GABRB1: variants seen among roughly 807,000 people sequenced by gnomAD.
The protein encoded by GABRB1 is gamma-aminobutyric acid type A receptor subunit beta1.
A neutral mutation model predicts 51.6 loss-of-function variants in GABRB1; 17 were observed. The ratio of observed to expected loss-of-function variants is 0.33; its 90% CI spans 0.23 to 0.49. The LOEUF (loss-of-function observed/expected upper bound fraction) is 0.49. Among genes scored for constraint, GABRB1 ranks in the 20% least tolerant of loss-of-function variants. The pLI, the probability that GABRB1 is intolerant of heterozygous loss-of-function variation, is 0.99. For synonymous variants in GABRB1, 247 were observed against 218.9 expected, an observed-to-expected ratio of 1.13 and a Z score of -1.14; for missense variants, 410 against 600.6, an observed-to-expected ratio of 0.68 and a Z score of 3.32.
At chr4:47,394,353 T>C (rs1406233065) in intron 5 of GABRB1, among the ~76,000 whole-genome samples, 3 of 152,230 alleles carry the variant, frequency 2.0e-5, no homozygotes, top group African/African-American at 4.8e-5. Flanking sequence ...CTCTAGATAC[T>C]GGTTTACAAC....
At chr4:47,269,545 A>C (rs1244497059) in intron 4 of GABRB1, among the ~76,000 whole-genome samples, 2 of 152,192 alleles carry the variant, frequency 1.3e-5, no homozygotes, top group Admixed American at 6.5e-5. Flanking sequence ...TTTTGTCAAC[A>C]TCCAACAATT....
intron 3 of GABRB1, among the ~76,000 whole-genome samples, chr4:47,128,010 G>A (rs539058994): frequency 5.9e-5 from 9 of 151,660 alleles, no homozygotes; most frequent in African/African-American, 2.2e-4. Flanking sequence ...TTACAACTAA[G>A]AAAGTCATTA....
intron 3 of GABRB1, among the ~76,000 whole-genome samples, chr4:47,148,260 G>A (rs1322933651): frequency 6.6e-6 from 1 of 152,026 alleles, no homozygotes; most frequent in Non-Finnish European, 1.5e-5. Flanking sequence ...TGGAGATGGA[G>A]GACCCGATTT....
chr4:47,071,749 C>A (rs1167643093), intron 3 of GABRB1, among the ~76,000 whole-genome samples: 3 of 150,780 alleles, frequency 2.0e-5, no homozygotes. Flanking sequence ...GTGTCTAGAA[C>A]AGCACCGTGC....
At chr4:47,138,382 T>C (rs1237052855) in intron 3 of GABRB1, among the ~76,000 whole-genome samples, 1 of 152,070 alleles carries the variant, frequency 6.6e-6, no homozygotes, top group African/African-American at 2.4e-5. Flanking sequence ...TGTTTTAAGA[T>C]AATCACCCAA....
At chr4:47,319,293 C>T (rs1176360608) in intron 4 of GABRB1, among the ~76,000 whole-genome samples, 1 of 151,890 alleles carries the variant, frequency 6.6e-6, no homozygotes, top group African/African-American at 2.4e-5. Flanking sequence ...TTTACATATA[C>T]ATTTACTTGT....
intron 1 of GABRB1, among the ~76,000 whole-genome samples, chr4:47,004,667 G>A (rs953283023): frequency 2.0e-5 from 3 of 152,046 alleles, no homozygotes; most frequent in Non-Finnish European, 4.4e-5. Flanking sequence ...CTATTGGTGC[G>A]GCCAGACACT....
chr4:47,275,895 CTG>C (rs1479038106), intron 4 of GABRB1, among the ~76,000 whole-genome samples: 1 of 152,132 alleles, frequency 6.6e-6, no homozygotes, highest in Non-Finnish European at 1.5e-5. Context: ...CCTCATGTAA[CTG>C]TGTTAGTGAA....
At chr4:47,252,496 A>G (rs1722032797) in intron 4 of GABRB1, among the ~76,000 whole-genome samples, 1 of 144,428 alleles carries the variant, frequency 6.9e-6, no homozygotes, top group Non-Finnish European at 1.5e-5. Context: ...GAAACCATTA[A>G]TAGCAATTGC....
intron 3 of GABRB1, among the ~76,000 whole-genome samples, chr4:47,047,080 A>G (rs1726126751): frequency 6.6e-6 from 1 of 152,182 alleles, no homozygotes; most frequent in Admixed American, 6.6e-5. Flanking sequence ...AATCTGTACA[A>G]CAAACCCCCT....
At chr4:47,127,752 G>A (rs1171985794) in intron 3 of GABRB1, among the ~76,000 whole-genome samples, 1 of 151,700 alleles carries the variant, frequency 6.6e-6, no homozygotes, top group Admixed American at 6.6e-5. Flanking sequence ...AGAGCTTTTT[G>A]TGTCTCCAGT....
intron 1 of GABRB1, among the ~76,000 whole-genome samples, chr4:47,019,834 T>C (rs996500010): frequency 2.0e-5 from 3 of 149,814 alleles, no homozygotes; most frequent in Non-Finnish European, 4.4e-5. Flanking sequence ...ACCTCTCTAG[T>C]AGATAGGAAA....
At chr4:47,055,474 C>A (rs916962547) in intron 3 of GABRB1, among the ~76,000 whole-genome samples, 1 of 152,128 alleles carries the variant, frequency 6.6e-6, no homozygotes, top group Non-Finnish European at 1.5e-5. Flanking sequence ...GAGCGGACAC[C>A]ATTTACACGA....
intron 3 of GABRB1, among the ~76,000 whole-genome samples, chr4:47,103,532 T>A (rs1376000377): frequency 1.3e-5 from 2 of 152,040 alleles, no homozygotes. Flanking sequence ...TATCAAGGTA[T>A]GTGTGATTGA....
intron 8 of GABRB1, among the ~76,000 whole-genome samples, chr4:47,407,558 A>G (rs1336390874): frequency 1.3e-5 from 2 of 152,158 alleles, no homozygotes; most frequent in African/African-American, 4.8e-5. Flanking sequence ...TGTAGCCTCT[A>G]CCTCTGAGCC....
chr4:47,416,538 C>A (rs1728926484), intron 8 of GABRB1, among the ~76,000 whole-genome samples: 2 of 151,704 alleles, frequency 1.3e-5, no homozygotes, highest in Admixed American at 1.3e-4. Flanking sequence ...GCAACCTCTG[C>A]CTCCCGGGTT....
rs186834752 is a variant in GABRB1, at chr4:47,411,622, A to T, written c.1080+4696A>T. 2.6e-4 allele frequency among the ~76,000 whole-genome samples: 40 copies of T among 152,306 alleles called. 1 individual carries two copies. The highest frequency in any genetic ancestry group is 2.4e-3 in the Admixed American group (37 of 15,298). ...GTTACATGAATCTACATATGCAATA[A>T]AATTACACAGAACTATACACACTTT... is the stretch of plus-strand genomic sequence containing the variant. On this transcript the variant is annotated intron_variant, in intron 8 of 8. Coordinates refer to ENST00000295454, the MANE Select transcript of GABRB1 (RefSeq NM_000812.4).
chr4:47,146,145 G>T (rs961282013), intron 3 of GABRB1, among the ~76,000 whole-genome samples: 18 of 151,998 alleles, frequency 1.2e-4, no homozygotes, highest in African/African-American at 4.3e-4. Context: ...TTCCACTCAT[G>T]TCTGAGCTGG....
intron 5 of GABRB1, among the ~76,000 whole-genome samples, chr4:47,398,772 TG>T (rs1728273530): frequency 6.8e-6 from 1 of 146,876 alleles, no homozygotes. Context: ...GAGGTTTTTT[TG>T]TTTTTTGTTT....
Sources: allele counts gnomAD v4.1 joint callset (sites outside exome capture counted in the v4.1 genomes callset), GRCh38; gene constraint gnomAD v4.1.1; transcripts MANE v1.5; gene names NCBI Gene and HGNC (gene_info 2026-07-23, HGNC 2026-07-21).